The following ANKFN1 variants were observed in gnomAD, a reference collection of about 807,000 sequenced individuals.
ANKFN1 encodes ankyrin repeat and fibronectin type-III domain-containing protein 1.
Under a neutral mutation model 108.7 loss-of-function variants are expected in ANKFN1, and 74 were observed. The observed-to-expected ratio is 0.68, with a 90% confidence interval of 0.56 to 0.83. The LOEUF is 0.83. Among genes scored for constraint, ANKFN1 ranks in the 40% least tolerant of loss-of-function variants. The probability of loss-of-function intolerance (pLI) is 0.00; values close to 1 mark genes in which losing one functional copy is unlikely to be tolerated. For missense variants in ANKFN1, 1,505 were observed against 1,382.3 expected (o/e 1.09, Z -1.41); for synonymous variants, 547 against 516.2 (o/e 1.06, Z -0.81).
intron 16 of ANKFN1, among the ~76,000 whole-genome samples, chr17:56,479,907 A>C (rs1029291806): frequency 6.6e-6 from 1 of 152,222 alleles, no homozygotes; most frequent in African/African-American, 2.4e-5. Flanking sequence ...TGTGGAAACA[A>C]TGTTGCCCAA....
At chr17:56,502,889 G>A (rs574608812) in intron 20 of ANKFN1, among the ~76,000 whole-genome samples, 2 of 152,296 alleles carry the variant, frequency 1.3e-5, no homozygotes, top group African/African-American at 4.8e-5. Flanking sequence ...TATCTTTTGG[G>A]AGTAGGTGGA....
chr17:56,332,193 C>T (rs1598416927), intron 4 of ANKFN1, among the ~76,000 whole-genome samples: 1 of 152,104 alleles, frequency 6.6e-6, no homozygotes, highest in Admixed American at 6.5e-5. Context: ...CATATCAAAA[C>T]ACGCCCTCTC....
At chr17:56,071,763 G>A (rs1905123587) in intron 4 of ANKFN1, among the ~76,000 whole-genome samples, 2 of 152,170 alleles carry the variant, frequency 1.3e-5, no homozygotes, top group African/African-American at 2.4e-5. Flanking sequence ...CTTTGGGAAG[G>A]CAACCAAGAC....
chr17:56,351,906 G>A (rs192685340), intron 5 of ANKFN1, among the ~76,000 whole-genome samples: 11 of 152,256 alleles, frequency 7.2e-5, no homozygotes, highest in Admixed American at 3.3e-4. Context: ...CCAGATAGAA[G>A]CATGCCAAAG....
chr17:56,166,404 T>C (rs926065336), intron 1 of ANKFN1, among the ~76,000 whole-genome samples: 5 of 152,186 alleles, frequency 3.3e-5, no homozygotes, highest in African/African-American at 1.2e-4. Flanking sequence ...GCTAATAAGC[T>C]TCAAAATCAT....
At chr17:56,278,995 G>C (rs927702700) in intron 3 of ANKFN1, among the ~76,000 whole-genome samples, 1 of 152,154 alleles carries the variant, frequency 6.6e-6, no homozygotes, top group Non-Finnish European at 1.5e-5. Context: ...AAAGCTGTGA[G>C]ACTTTTGCTG....
At chr17:56,256,080 G>C (rs2043350467) in intron 3 of ANKFN1, among the ~76,000 whole-genome samples, 1 of 152,158 alleles carries the variant, frequency 6.6e-6, no homozygotes, top group Non-Finnish European at 1.5e-5. Flanking sequence ...ATCATGAGCT[G>C]AACCCTGCCC....
intron 4 of ANKFN1, among the ~76,000 whole-genome samples, chr17:56,127,601 A>T (rs1907013881): frequency 6.6e-6 from 1 of 152,136 alleles, no homozygotes; most frequent in Admixed American, 6.5e-5. Flanking sequence ...GGTGTGAGCC[A>T]CCGCACCCGG....
chr17:56,119,227 G>A (rs573315891), intron 4 of ANKFN1, among the ~76,000 whole-genome samples: 13 of 152,192 alleles, frequency 8.5e-5, no homozygotes, highest in Middle Eastern at 3.4e-3. Context: ...GACCTTCTAG[G>A]ACTAGACCTT....
Position 56,510,682 on chromosome 17 carries a change from G to C in ANKFN1, c.2854G>C (p.Gly952Arg). Residue 952 changes from glycine to arginine, a missense_variant, in exon 21 of 21, where the codon GGC becomes CGC. Gly to Arg is a moderately radical substitution (Grantham distance 125). Coordinates refer to ENST00000682825, the MANE Select transcript of ANKFN1 (RefSeq NM_001370326.1). ...CGACGTGAAAACCCCTCTGGGGCCG[G>C]GCCAGGATCCCCAGGGCGAGGGCCC... ...VHDVKTPLGP[G>R]QDPQGEGPNP... The C allele has an allele frequency of 6.5e-7, 1 of 1,536,166 alleles. No individual in the cohort carries two copies. Among genetic ancestry groups the C allele is most frequent in the South Asian group, 1.2e-5 (1 of 84,068 alleles).
intron 8 of ANKFN1, among the ~76,000 whole-genome samples, chr17:56,388,320 C>T (rs561638237): frequency 3.4e-4 from 52 of 151,868 alleles, no homozygotes; most frequent in South Asian, 6.3e-4. Context: ...GCTAATGAGA[C>T]GGGGTTTCAC....
chr17:56,404,068 G>A (rs1250790246), intron 8 of ANKFN1, among the ~76,000 whole-genome samples: 1 of 152,066 alleles, frequency 6.6e-6, no homozygotes, highest in East Asian at 1.9e-4. Flanking sequence ...TAGGTTACCT[G>A]ATGCTTCTGT....
intron 4 of ANKFN1, among the ~76,000 whole-genome samples, chr17:56,052,271 C>T (rs183245070): frequency 2.6e-4 from 40 of 152,096 alleles, no homozygotes; most frequent in African/African-American, 8.4e-4. Context: ...TTTCAGTCTG[C>T]GAGGGCTTAT....
intron 1 of ANKFN1, among the ~76,000 whole-genome samples, chr17:56,179,920 A>G (rs555021498): frequency 3.9e-5 from 6 of 152,208 alleles, no homozygotes; most frequent in Non-Finnish European, 5.9e-5. Context: ...ACATTCTATT[A>G]TATGAAAACC....
chr17:56,388,853 A>G (rs1302957808), intron 8 of ANKFN1, among the ~76,000 whole-genome samples: 2 of 152,190 alleles, frequency 1.3e-5, no homozygotes, highest in African/African-American at 4.8e-5. Context: ...TAAAACTGCA[A>G]TGAACTATCA....
intron 18 of ANKFN1, among the ~76,000 whole-genome samples, chr17:56,487,695 A>G (rs2043074706): frequency 6.6e-6 from 1 of 152,208 alleles, no homozygotes; most frequent in African/African-American, 2.4e-5. Context: ...GGATACAGGT[A>G]TCCCTACCGA....
chr17:56,487,616 TG>T (rs2050896965), intron 18 of ANKFN1, among the ~76,000 whole-genome samples: 2 of 152,166 alleles, frequency 1.3e-5, no homozygotes, highest in African/African-American at 2.4e-5. Flanking sequence ...CCAGGTACTG[TG>T]CTGGGACTGA....
Position 56,513,256 on chromosome 17 carries a change from T to C in ANKFN1, c.*1987T>C, listed in dbSNP as rs1187238321. Among the ~76,000 whole-genome samples, 1 of 152,234 alleles carries C rather than the reference T, an allele frequency of 6.6e-6. No homozygotes were observed. The highest frequency in any genetic ancestry group is 1.5e-5 in the Non-Finnish European group (1 of 68,038). On this transcript the variant is annotated 3_prime_UTR_variant, in exon 21 of 21. Coordinates refer to ENST00000682825, the MANE Select transcript of ANKFN1 (RefSeq NM_001370326.1). The stretch of plus-strand genomic sequence containing the variant: ...CCTATTTTGTAGATCATCTACCTAC[T>C]TCTGATTTCAAATTCAACCTTTACC...
intron 2 of ANKFN1, among the ~76,000 whole-genome samples, chr17:56,220,977 G>A (rs1168723408): frequency 2.0e-5 from 3 of 152,046 alleles, no homozygotes; most frequent in African/African-American, 7.2e-5. Flanking sequence ...ATAAAGAAAA[G>A]AGGTTTAATT....
Sources: allele counts gnomAD v4.1 joint callset (sites outside exome capture counted in the v4.1 genomes callset), GRCh38; gene constraint gnomAD v4.1.1; transcripts MANE v1.5; gene names NCBI Gene and HGNC (gene_info 2026-07-23, HGNC 2026-07-21).